Variants in LEKR1 observed in about 807,000 individuals in gnomAD.
LEKR1 encodes the protein leucine, glutamate and lysine rich 1.
In LEKR1, 59 loss-of-function variants were observed where a neutral mutation model predicts 72.4. The observed-to-expected ratio is 0.82, with a 90% CI of 0.66 to 1.01. LEKR1 has a LOEUF of 1.01. Among genes scored for constraint, LEKR1 ranks in the 50% least tolerant of loss-of-function variants. LEKR1 has a pLI of 0.00. For synonymous variants in LEKR1, 257 were observed against 263.2 expected, an observed-to-expected ratio of 0.98 and a Z score of 0.23; for missense variants, 728 against 759.2, an observed-to-expected ratio of 0.96 and a Z score of 0.48.
chr3:156,870,421 A>G (rs549953859), intron 3 of LEKR1, among the ~76,000 whole-genome samples: 109 of 151,906 alleles, frequency 7.2e-4, no homozygotes, highest in Non-Finnish European at 1.4e-3. Flanking sequence ...CTCCTTGGTT[A>G]AATTTATTTT....
At chr3:156,982,906 G>C (rs541105607) in intron 7 of LEKR1, among the ~76,000 whole-genome samples, 1 of 140,686 alleles carries the variant, frequency 7.1e-6, no homozygotes, top group African/African-American at 2.5e-5. Flanking sequence ...TAGATAGATA[G>C]ATGGAAGAGC....
chr3:157,033,348 A>T (rs1734752362), intron 12 of LEKR1, among the ~76,000 whole-genome samples: 1 of 152,218 alleles, frequency 6.6e-6, no homozygotes, highest in Non-Finnish European at 1.5e-5. Flanking sequence ...GCAAAGGAAA[A>T]GTTCTTGAAG....
intron 4 of LEKR1, among the ~76,000 whole-genome samples, chr3:156,921,257 G>A (rs538778036): frequency 6.6e-6 from 1 of 152,020 alleles, no homozygotes; most frequent in African/African-American, 2.4e-5. Context: ...GTTCCTTTTT[G>A]AATTGAATAA....
intron 1 of LEKR1, among the ~76,000 whole-genome samples, chr3:156,827,992 T>C (rs1428438367): frequency 6.6e-6 from 1 of 152,234 alleles, no homozygotes; most frequent in Non-Finnish European, 1.5e-5. Context: ...ATAATGAGCC[T>C]TCTGGGCTCT....
intron 3 of LEKR1, among the ~76,000 whole-genome samples, chr3:156,865,606 TCTATC>T (rs61516359): frequency 0.84 from 127,590 of 151,340 alleles, 53,941 homozygotes; most frequent in African/African-American, 0.91. Context: ...ATCATCTCCC[TCTATC>T]ATTGCCCATT....
intron 3 of LEKR1, among the ~76,000 whole-genome samples, chr3:156,905,905 C>A (rs922511609): frequency 6.6e-6 from 1 of 152,030 alleles, no homozygotes; most frequent in Non-Finnish European, 1.5e-5. Flanking sequence ...CTAATTTTCC[C>A]CTTGATATTT....
intron 12 of LEKR1, among the ~76,000 whole-genome samples, chr3:157,041,853 A>G (rs1433743387): frequency 6.6e-6 from 1 of 152,202 alleles, no homozygotes; most frequent in Non-Finnish European, 1.5e-5. Context: ...GCAACAATCC[A>G]ACCTTCATCT....
chr3:156,962,366 C>T (rs1372138257), intron 6 of LEKR1, among the ~76,000 whole-genome samples: 4 of 152,170 alleles, frequency 2.6e-5, no homozygotes, highest in Non-Finnish European at 1.5e-5. Flanking sequence ...TGTATTAAAT[C>T]CAACAGCCCT....
intron 10 of LEKR1, among the ~76,000 whole-genome samples, chr3:157,021,598 G>C (rs541377234): frequency 6.6e-6 from 1 of 152,186 alleles, no homozygotes; most frequent in Admixed American, 6.5e-5. Flanking sequence ...CACCAAGTTT[G>C]CATATATTCT....
At chr3:156,988,873 C>T (rs754259322) in intron 7 of LEKR1, among the ~76,000 whole-genome samples, 5 of 152,106 alleles carry the variant, frequency 3.3e-5, no homozygotes, top group Non-Finnish European at 5.9e-5. Context: ...GCACTGTCGC[C>T]CAGGCTGGAG....
At chr3:156,904,660 A>G (rs953112296) in intron 3 of LEKR1, among the ~76,000 whole-genome samples, 16 of 138,198 alleles carry the variant, frequency 1.2e-4, no homozygotes, top group Admixed American at 9.2e-4. Flanking sequence ...TATAGCAAAT[A>G]TATATATATA....
intron 12 of LEKR1, among the ~76,000 whole-genome samples, chr3:157,035,952 A>G (rs890203314): frequency 6.6e-6 from 1 of 152,206 alleles, no homozygotes. Flanking sequence ...GGGATATTCC[A>G]ATGAAATGGC....
At chr3:157,039,247 T>C (rs1735182547) in intron 12 of LEKR1, among the ~76,000 whole-genome samples, 1 of 152,216 alleles carries the variant, frequency 6.6e-6, no homozygotes, top group African/African-American at 2.4e-5. Flanking sequence ...TGGGTTATTT[T>C]TAACATTTTG....
chr3:156,919,822 A>G (rs1484869259), intron 3 of LEKR1, among the ~76,000 whole-genome samples: 3 of 152,164 alleles, frequency 2.0e-5, no homozygotes, highest in Admixed American at 2.0e-4. Context: ...AAAATGTCAG[A>G]CATCTTTTTC....
At chr3:156,982,253 T>A (rs1260236723) in intron 7 of LEKR1, among the ~76,000 whole-genome samples, 2 of 152,182 alleles carry the variant, frequency 1.3e-5, no homozygotes, top group Non-Finnish European at 2.9e-5. Flanking sequence ...GTTCTTTCTG[T>A]CTCCATCCTG....
chr3:156,907,277 A>G (rs1465672208), intron 3 of LEKR1, among the ~76,000 whole-genome samples: 1 of 152,112 alleles, frequency 6.6e-6, no homozygotes, highest in Non-Finnish European at 1.5e-5. Flanking sequence ...AAAGACATAT[A>G]TGTACATATA....
intron 9 of LEKR1, among the ~76,000 whole-genome samples, chr3:157,010,146 T>C (rs1732771975): frequency 2.0e-5 from 3 of 152,134 alleles, no homozygotes; most frequent in Admixed American, 2.0e-4. Flanking sequence ...ATTAATTTTA[T>C]TGATCTCAAA....
intron 7 of LEKR1, among the ~76,000 whole-genome samples, chr3:156,984,074 G>A (rs1206581539): frequency 5.3e-5 from 8 of 152,172 alleles, no homozygotes; most frequent in Non-Finnish European, 1.2e-4. Context: ...AGAACAGACG[G>A]TTATGGCAGG....
chr3:156,868,522 G>C (rs1717561607), intron 3 of LEKR1, among the ~76,000 whole-genome samples: 1 of 151,964 alleles, frequency 6.6e-6, no homozygotes, highest in Non-Finnish European at 1.5e-5. Context: ...GAGGAAAAAT[G>C]AAAAATTACT....
Sources: allele counts gnomAD v4.1 joint callset (sites outside exome capture counted in the v4.1 genomes callset), GRCh38; gene constraint gnomAD v4.1.1; transcripts MANE v1.5; gene names NCBI Gene and HGNC (gene_info 2026-07-23, HGNC 2026-07-21).